Variants in ATCAY observed in about 807,000 individuals in gnomAD.
ATCAY encodes caytaxin.
Under a neutral mutation model 47.7 loss-of-function variants are expected in ATCAY, and 22 were observed. The ratio of observed to expected loss-of-function variants is 0.46; its 90% CI spans 0.33 to 0.66. The LOEUF is 0.66. Ranked by LOEUF, ATCAY falls within the 30% of genes least tolerant of loss-of-function variation. The pLI is 0.02. For synonymous variants in ATCAY, 216 were observed against 207.6 expected (o/e 1.04, Z -0.35); for missense variants, 452 against 515.0 (o/e 0.88, Z 1.18).
At chr19:3,884,939 A>C (rs1423174137) in intron 1 of ATCAY, among the ~76,000 whole-genome samples, 1 of 151,536 alleles carries the variant, frequency 6.6e-6, no homozygotes, top group East Asian at 1.9e-4. Context: ...TCTTAAAAAA[A>C]GATTTTAAAA....
rs965434291 is a variant in ATCAY at position 3,887,628 on chromosome 19, G to A, written c.77+1784G>A. Among the ~76,000 whole-genome samples, 259 of 150,428 alleles carry A rather than the reference G, an allele frequency of 1.7e-3. 2 individuals carry two copies. Among genetic ancestry groups the A allele is most frequent in the East Asian group, 9.6e-3 (47 of 4,904 alleles). The stretch of plus-strand genomic sequence containing the variant: ...CAGCCTCCCGAGTAGCTGGGACTAC[G>A]GGCACCCGCCACCACGCCCGGCTAA... On this transcript the variant is annotated intron_variant, in intron 2 of 12. Coordinates refer to ENST00000450849, the MANE Select transcript of ATCAY (RefSeq NM_033064.5).
intron 8 of ATCAY, 24 bp downstream of exon 8, chr19:3,910,913 A>G (rs372724058): frequency 3.7e-6 from 6 of 1,612,828 alleles, no homozygotes; most frequent in Non-Finnish European, 5.1e-6. Flanking sequence ...GCTGCAACCC[A>G]AGTCCAGTGG....
rs753594529 is a variant in ATCAY, at chr19:3,907,720, C to T, written c.359-14C>T. The T allele has an allele frequency of 1.3e-4, 216 of 1,613,556 alleles. 1 individual carries two copies. In the East Asian group the frequency reaches 3.7e-3, roughly 27 times the overall value. The stretch of plus-strand genomic sequence containing the variant: ...ACTCTGGCGTCCATGCGACTCTCCG[C>T]CACCTGCTTCTAGACGACACCCCCG... On this transcript the variant is annotated splice_polypyrimidine_tract_variant and intron_variant, in intron 4 of 12. Coordinates refer to ENST00000450849, the MANE Select transcript of ATCAY (RefSeq NM_033064.5). This position sits in a 1 kb window ranked among gnomAD's most constrained non-coding sequence, Gnocchi z 5.1.
chr19:3,918,846 G>A lies in ATCAY; in HGVS notation c.1042G>A (p.Glu348Lys), dbSNP rs375999784. Reference sequence around the variant, plus strand: ...GGAGTTTGTGCTGCCCAGGTCTGAAGAGAAGCCAGAGGTGGCACCAGTGGA... The same window carrying A: ...GGAGTTTGTGCTGCCCAGGTCTGAAAAGAAGCCAGAGGTGGCACCAGTGGA... ...QPEFVLPRSE[E>K]KPEVAPVENR... Residue 348 changes from glutamate (E) to lysine (K), a missense_variant, in exon 11 of 13, where the codon GAG becomes AAG. Coordinates refer to ENST00000450849, the MANE Select transcript of ATCAY (RefSeq NM_033064.5). 1.2e-6 allele frequency: 2 copies of A among 1,614,038 alleles called. No individual in the cohort carries two copies. The highest frequency in any genetic ancestry group is 1.7e-6 in the Non-Finnish European group (2 of 1,179,876).
intron 9 of ATCAY, among the ~76,000 whole-genome samples, chr19:3,915,846 C>A (rs756748026): frequency 1.4e-4 from 21 of 151,720 alleles, no homozygotes; most frequent in Non-Finnish European, 2.9e-5. Flanking sequence ...TGAGCCACCA[C>A]GCCTGGCCGA....
intron 11 of ATCAY, among the ~76,000 whole-genome samples, chr19:3,919,235 A>G (rs2038994828): frequency 6.6e-6 from 1 of 151,844 alleles, no homozygotes; most frequent in Non-Finnish European, 1.5e-5. Flanking sequence ...CCGAGATAGT[A>G]CCACTGCACT....
chr19:3,905,746 C>T, intron 4 of ATCAY, 91 bp downstream of exon 4: 1 of 1,214,608 alleles, frequency 8.2e-7, no homozygotes, highest in South Asian at 1.4e-5. Flanking sequence ...CAGAGAGTCA[C>T]AAGTGGGGCA....
chr19:3,923,836 G>GGATGGATGGA lies in ATCAY; in HGVS notation c.1107-747_1107-746insGATGGATGGA, dbSNP rs1568455046. Among the ~76,000 whole-genome samples, 88 of 135,954 alleles carry GGATGGATGGA rather than the reference G, an allele frequency of 6.5e-4. 1 individual carries two copies. The highest frequency in any genetic ancestry group is 2.4e-3 in the African/African-American group (85 of 35,224). The allele number at this position is 135,954 out of a possible 152,430, so 89.2% of individuals were successfully genotyped here. On this transcript the variant is annotated intron_variant, in intron 12 of 12. Coordinates refer to ENST00000450849, the MANE Select transcript of ATCAY (RefSeq NM_033064.5). ...GATGGATGAATGGATGGGTGGGTGG[G>GGATGGATGGA]TGGATGGATGGATGGATGGATGGAT...
intron 5 of ATCAY, 150 bp downstream of exon 5, chr19:3,908,069 G>A: frequency 8.3e-7 from 1 of 1,203,316 alleles, no homozygotes; most frequent in Non-Finnish European, 1.2e-6. Flanking sequence ...TGCATGGTCA[G>A]GGAGGCGCAC....
At chr19:3,915,638 A>G (rs2369254) in intron 9 of ATCAY, among the ~76,000 whole-genome samples, 78,040 of 143,744 alleles carry the variant, frequency 0.54, 21,482 homozygotes, top group East Asian at 0.93. Context: ...TGCAACCTCC[A>G]CCTCCTGGGT....
chr19:3,914,479 G>A (rs181631974), intron 9 of ATCAY, among the ~76,000 whole-genome samples: 1 of 152,038 alleles, frequency 6.6e-6, no homozygotes, highest in African/African-American at 2.4e-5. Context: ...CCCACAACAG[G>A]AGGGAATTAT....
At chr19:3,890,956 C>T (rs2038713095) in intron 2 of ATCAY, among the ~76,000 whole-genome samples, 2 of 152,194 alleles carry the variant, frequency 1.3e-5, no homozygotes, top group South Asian at 4.1e-4. Flanking sequence ...TTTCTTCCAG[C>T]CCAGCCATCC....
At chr19:3,897,492 G>A (rs1225373300) in intron 2 of ATCAY, among the ~76,000 whole-genome samples, 1 of 151,276 alleles carries the variant, frequency 6.6e-6, no homozygotes, top group South Asian at 2.1e-4. Context: ...ATGGAGTCTC[G>A]CTGTGTTGCC....
intron 2 of ATCAY, among the ~76,000 whole-genome samples, chr19:3,887,673 A>G (rs1037252314): frequency 6.7e-6 from 1 of 150,184 alleles, no homozygotes; most frequent in Non-Finnish European, 1.5e-5. Flanking sequence ...TTTTTAGTAG[A>G]GACGGGGTTT....
chr19:3,914,232 T>C (rs1396007601), intron 9 of ATCAY, among the ~76,000 whole-genome samples: 1 of 14,164 alleles, frequency 7.1e-5, no homozygotes, highest in African/African-American at 1.1e-3. Context: ...CGAGACTCCA[T>C]CGCAAAAAAA....
chr19:3,915,122 A>G (rs763117715), intron 9 of ATCAY, among the ~76,000 whole-genome samples: 1 of 152,124 alleles, frequency 6.6e-6, no homozygotes, highest in Non-Finnish European at 1.5e-5. Flanking sequence ...TTGTGGTAAA[A>G]TACACGTAAC....
At chr19:3,903,069 G>GCTCAAGAGATCCTCCTGC (rs1315706123) in intron 3 of ATCAY, among the ~76,000 whole-genome samples, 4 of 152,216 alleles carry the variant, frequency 2.6e-5, no homozygotes, top group Non-Finnish European at 4.4e-5. Context: ...AACCTCCAGG[G>GCTCAAGAGATCCTCCTGC]CTCAAGAGAT....
At chr19:3,911,411 C>T (rs2038921729) in intron 8 of ATCAY, among the ~76,000 whole-genome samples, 1 of 151,990 alleles carries the variant, frequency 6.6e-6, no homozygotes, top group South Asian at 2.1e-4. Flanking sequence ...GTAGTCCCAG[C>T]TACTCAGGAG....
intron 11 of ATCAY, 23 bp from the exon 12 acceptor site, chr19:3,920,743 C>T (rs767016140): frequency 9.6e-6 from 15 of 1,568,840 alleles, no homozygotes; most frequent in Non-Finnish European, 1.3e-5. Flanking sequence ...AAATAACGCC[C>T]AGTCTCCGTC....
Sources: gnomAD v4.1 joint callset for allele counts (sites outside exome capture counted in the v4.1 genomes callset) on GRCh38, gnomAD v4.1.1 for gene constraint, Gnocchi (gnomAD v3.1) non-coding constraint, MANE v1.5 for transcripts, NCBI Gene and HGNC (gene_info 2026-07-23, HGNC 2026-07-21) for gene names.